EPG5: variants seen among roughly 807,000 people sequenced by gnomAD.
EPG5 encodes ectopic P granules protein 5 homolog.
In EPG5, 159 loss-of-function variants were observed where a neutral mutation model predicts 302.7. That is an observed-to-expected ratio of 0.53 (90% confidence interval 0.46 to 0.60). The LOEUF (loss-of-function observed/expected upper bound fraction) is 0.60. Ranked by LOEUF, EPG5 falls within the 20% of genes least tolerant of loss-of-function variation. EPG5 has a pLI of 0.00. For synonymous variants in EPG5, 1,158 were observed against 1,136.8 expected (o/e 1.02, Z -0.37); for missense variants, 2,896 against 3,092.4 (o/e 0.94, Z 1.51).
intron 32 of EPG5, among the ~76,000 whole-genome samples, chr18:45,879,583 G>A (rs999057177): frequency 6.6e-6 from 1 of 152,180 alleles, no homozygotes; most frequent in Admixed American, 6.5e-5. Flanking sequence ...TGCCCAGGCT[G>A]GTCTCGAATC....
At chr18:45,879,911 G>A (rs527621532) in intron 32 of EPG5, among the ~76,000 whole-genome samples, 164 bp downstream of exon 32, 1 of 152,206 alleles carries the variant, frequency 6.6e-6, no homozygotes, top group African/African-American at 2.4e-5. Context: ...GGAATGGGGT[G>A]AGCCATCTGG....
rs769998231 is a variant in EPG5 at position 45,899,421 on chromosome 18, C to A, written c.4792G>T (p.Ala1598Ser). 3.7e-6 allele frequency: 6 copies of A among 1,614,086 alleles called. No individual in the cohort carries two copies. Among genetic ancestry groups the A allele is most frequent in the Non-Finnish European group, 5.1e-6 (6 of 1,180,020 alleles). ...ACACTTACCTGAACCGTGACAACTG[C>A]GGCTCCTTGGCATTTCTTACCGCTG... Reference protein sequence around the residue: ...GSSGKKCQGAAVVTVQFEGMH... With the variant: ...GSSGKKCQGASVVTVQFEGMH... Residue 1598 changes from alanine (A) to serine (S), a missense_variant, in exon 27 of 44, where the codon GCA (alanine) becomes TCA (serine). Physicochemically the swap from Ala to Ser is moderately conservative, Grantham distance 99. Coordinates refer to ENST00000282041, the MANE Select transcript of EPG5 (RefSeq NM_020964.3).
chr18:45,858,137 C>T, intron 41 of EPG5, 69 bp from the exon 42 acceptor site: 1 of 1,157,152 alleles, frequency 8.6e-7, no homozygotes, highest in Middle Eastern at 2.5e-4. Flanking sequence ...ACTGCAAGTC[C>T]ACATCAGAGT....
intron 25 of EPG5, 57 bp from the exon 26 acceptor site, chr18:45,901,224 G>A (rs1305961960): frequency 1.4e-6 from 2 of 1,452,458 alleles, no homozygotes; most frequent in Admixed American, 1.8e-5. Flanking sequence ...CAGGAGAACA[G>A]AAGCATGTGG....
At chr18:45,933,003 GAAGGGAGA>G (rs2050430001) in intron 11 of EPG5, among the ~76,000 whole-genome samples, 1 of 152,182 alleles carries the variant, frequency 6.6e-6, no homozygotes, top group African/African-American at 2.4e-5. Context: ...AGTCCGCAAT[GAAGGGAGA>G]TGACACTACA....
At chr18:45,965,739 TA>T (rs1485025522) in intron 1 of EPG5, among the ~76,000 whole-genome samples, 1 of 152,214 alleles carries the variant, frequency 6.6e-6, no homozygotes, top group Non-Finnish European at 1.5e-5. Flanking sequence ...GAGCAGCATT[TA>T]ATCTGTTCAT....
the EPG5 span, among the ~76,000 whole-genome samples, chr18:45,834,543 T>C: frequency 6.6e-6 from 1 of 152,212 alleles, no homozygotes. Context: ...GTGAGTGACA[T>C]GGCCAGAAGC....
In EPG5 at chr18:45,879,031, T is replaced by C. The variant is rs377120710; in HGVS notation, c.5851A>G (p.Thr1951Ala). The change falls in exon 33 of 44, where the codon ACT becomes GCT. Residue 1951 changes from threonine to alanine, a missense_variant. Physicochemically the swap from Thr to Ala is moderately conservative, Grantham distance 58. This residue lies in a region of EPG5 where 790 missense variants were observed against 798.0 expected (regional missense o/e 0.99). Coordinates refer to ENST00000282041, the MANE Select transcript of EPG5 (RefSeq NM_020964.3). ...ATATTACCTGTTTTCCTGCTGGCAG[T>C]TGGGTCTTGGGCCAAACAGGTCATT... ...LEMTCLAQDPTASRKTVLKSL... is the reference protein window; with the variant it reads ...LEMTCLAQDPAASRKTVLKSL... The C allele has an allele frequency of 2.5e-6, 4 of 1,613,990 alleles. No individual in the cohort carries two copies. The highest frequency in any genetic ancestry group is 1.6e-4 in the Middle Eastern group (1 of 6,084).
At chr18:45,873,459 A>G (rs989057055) in intron 35 of EPG5, among the ~76,000 whole-genome samples, 4 of 152,022 alleles carry the variant, frequency 2.6e-5, no homozygotes, top group African/African-American at 9.7e-5. Flanking sequence ...GCAGTGAGCC[A>G]AGATCCTGCC....
intron 1 of EPG5, among the ~76,000 whole-genome samples, chr18:45,955,625 G>A (rs561060042): frequency 6.6e-6 from 1 of 152,262 alleles, no homozygotes; most frequent in East Asian, 1.9e-4. Context: ...AAAAATAGAA[G>A]GGGAAAGTTA....
chr18:45,910,614 CGG>C lies in EPG5; in HGVS notation c.4110_4111del (p.Arg1371CysfsTer7). 1 of 1,614,166 alleles carries C rather than the reference CGG, an allele frequency of 6.2e-7. No individual in the cohort carries two copies. Among genetic ancestry groups the C allele is most frequent in the Non-Finnish European group, 8.5e-7 (1 of 1,180,026 alleles). ...CCCTTCACTGCCCTCTGCTGGAACA[CGG>C]AGGGCCTTGCTTGCAGCATGGTGGA... On this transcript the variant is annotated frameshift_variant, in exon 23 of 44. Coordinates refer to ENST00000282041, the MANE Select transcript of EPG5 (RefSeq NM_020964.3). LOFTEE classifies it high-confidence loss of function.
the EPG5 span, chr18:45,829,164 C>T: frequency 2.0e-6 from 2 of 985,428 alleles, no homozygotes; most frequent in Non-Finnish European, 2.4e-6. Flanking sequence ...GCCTGTGGCC[C>T]TGCCTCTCCA....
rs762634619 is a variant in EPG5, at chr18:45,948,543, G to C, written c.1531C>G (p.His511Asp). ...AGCAGGGCAAGGGATTGCATAAAAT[G>C]AAAGACCCCTGATGGGTTATGCAAC... The part of the protein sequence containing the change: ...KVLHNPSGVF[H>D]FMQSLALLMS... The change falls in exon 6 of 44, where the codon CAT (histidine) becomes GAT (aspartate). Residue 511 changes from histidine to aspartate, a missense_variant. Around this residue, in one of 5 missense-constraint regions of EPG5, gnomAD observed 1,390 missense variants for 1,430.0 expected, o/e 0.97. Coordinates refer to ENST00000282041, the MANE Select transcript of EPG5 (RefSeq NM_020964.3). 68 of 1,613,820 alleles carry C rather than the reference G, an allele frequency of 4.2e-5. No individual in the cohort carries two copies. In the Admixed American group the frequency reaches 1.1e-3, roughly 27 times the overall value.
At chr18:45,838,430 C>T in the EPG5 span, 41 of 501,944 alleles carry the variant, frequency 8.2e-5, no homozygotes, top group African/African-American at 4.1e-5. Flanking sequence ...TTAGCATTTG[C>T]TAGGGAGCCG....
In EPG5 at chr18:45,884,616, C is replaced by T; in HGVS notation, c.5304+1G>A. The T allele has an allele frequency of 6.3e-7, 1 of 1,596,532 alleles. No homozygotes were observed. The highest frequency in any genetic ancestry group is 8.5e-7 in the Non-Finnish European group (1 of 1,174,214). On this transcript the variant is annotated splice_donor_variant, in intron 30 of 43. Coordinates refer to ENST00000282041, the MANE Select transcript of EPG5 (RefSeq NM_020964.3). LOFTEE classifies it high-confidence loss of function. Reference sequence around the variant, plus strand: ...ATGGTGAGGATGGAATTACATCTTACCTTGGTTAGCAGCATGAAAATCATA... The same window carrying T: ...ATGGTGAGGATGGAATTACATCTTATCTTGGTTAGCAGCATGAAAATCATA...
chr18:45,837,556 G>A, the EPG5 span: 1 of 1,516,282 alleles, frequency 6.6e-7, no homozygotes, highest in Non-Finnish European at 8.8e-7. Flanking sequence ...CACCCGAGGT[G>A]AGCGCGGAGG....
intron 27 of EPG5, among the ~76,000 whole-genome samples, chr18:45,898,146 G>A (rs2049522883): frequency 6.6e-6 from 1 of 152,166 alleles, no homozygotes; most frequent in South Asian, 2.1e-4. Context: ...GATTGCTTGA[G>A]CCCACTAGTT....
At chr18:45,836,909 G>A in the EPG5 span, 1 of 667,708 alleles carries the variant, frequency 1.5e-6, no homozygotes, top group Non-Finnish European at 2.8e-6. Context: ...GCAGGCTGTA[G>A]AGTGAGGCGA....
intron 9 of EPG5, 26 bp downstream of exon 9, chr18:45,943,135 G>A (rs1020598644): frequency 1.1e-5 from 18 of 1,609,210 alleles, no homozygotes; most frequent in Non-Finnish European, 1.4e-5. Flanking sequence ...AAGGAACAGA[G>A]AAGGGTAGAG....
Sources: allele counts gnomAD v4.1 joint callset (sites outside exome capture counted in the v4.1 genomes callset), GRCh38; gene constraint gnomAD v4.1.1; regional missense constraint gnomAD v4.1.1; transcripts MANE v1.5; gene names NCBI Gene and HGNC (gene_info 2026-07-23, HGNC 2026-07-21).